The following EDAR variants were observed in gnomAD, a reference collection of about 807,000 sequenced individuals.
EDAR encodes the protein tumor necrosis factor receptor superfamily member EDAR.
A neutral mutation model predicts 51.3 loss-of-function variants in EDAR; 38 were observed. The observed-to-expected ratio is 0.74, with a 90% CI of 0.57 to 0.97. The LOEUF is 0.97. Ranked by LOEUF, EDAR falls within the 50% of genes least tolerant of loss-of-function variation. The pLI is 0.00. For synonymous variants in EDAR, 227 were observed against 242.1 expected (o/e 0.94, Z 0.58); for missense variants, 528 against 595.0 (o/e 0.89, Z 1.17).
chr2:108,900,486 A>G (rs1376413112), intron 11 of EDAR, among the ~76,000 whole-genome samples: 1 of 151,038 alleles, frequency 6.6e-6, no homozygotes, highest in Non-Finnish European at 1.5e-5. Context: ...CCTGGGAGGC[A>G]GAGGTTGCAG....
chr2:108,924,172 C>T (rs946429407), intron 4 of EDAR, among the ~76,000 whole-genome samples: 1 of 152,252 alleles, frequency 6.6e-6, no homozygotes, highest in Non-Finnish European at 1.5e-5. Flanking sequence ...AGTCCTTCAG[C>T]TCCCAGTGAT....
At position 108,910,512 on chromosome 2, in the gene EDAR, C is replaced by T. The variant is rs2105400138; in HGVS notation, c.751G>A (p.Glu251Lys). 6.2e-7 allele frequency: 1 copy of T among 1,613,822 alleles called. No homozygotes were observed. The highest frequency in any genetic ancestry group is 8.5e-7 in the Non-Finnish European group (1 of 1,179,870). Reference sequence around the variant, plus strand: ...GTCAGCTTCTCAAATTCATCCTTCTCGGAGAACATCACCACGTTGTCTGCA... The same window carrying T: ...GTCAGCTTCTCAAATTCATCCTTCTTGGAGAACATCACCACGTTGTCTGCA... ...EAPDNVVMFS[E>K]KDEFEKLTAT... is the part of the protein sequence containing the mutation. Residue 251 changes from glutamate to lysine, a missense_variant, in exon 9 of 12, where the codon GAG (glutamate) becomes AAG (lysine). Glu to Lys is a moderately conservative substitution (Grantham distance 56). Transcript: ENST00000258443.
chr2:108,906,806 T>G (rs1574368757), intron 10 of EDAR, among the ~76,000 whole-genome samples: 2 of 152,214 alleles, frequency 1.3e-5, no homozygotes, highest in African/African-American at 4.8e-5. Flanking sequence ...CCCGGGGCCA[T>G]GGCCACCTAT....
rs780383402 is a variant in EDAR at position 108,909,143 on chromosome 2, TC to T, written c.804-1125del. Among the ~76,000 whole-genome samples the T allele has an allele frequency of 3.9e-5, 6 of 152,232 alleles. No homozygotes were observed. In the East Asian group the frequency reaches 1.2e-3, roughly 29 times the overall value. On this transcript the variant is annotated intron_variant, in intron 9 of 11. Transcript: ENST00000258443. ...GTGTATGAAAGCAGTATATATTTTT[TC>T]CTAATAGGGCCTCCAAATTTTCCCT...
chr2:108,907,741 G>A, intron 10 of EDAR, 119 bp downstream of exon 10: 1 of 1,188,914 alleles, frequency 8.4e-7, no homozygotes, highest in Non-Finnish European at 1.3e-6. Context: ...CTCCTATCTT[G>A]GACTTCTGGG....
At position 108,955,711 on chromosome 2, in the gene EDAR, A is replaced by G. The variant is rs1697909455; in HGVS notation, c.-18-24679T>C. On this transcript the variant is annotated intron_variant, in intron 1 of 11. Transcript: ENST00000258443. ...ACAGAGTGAGACTCTGTCTCAAAAAATAAATAAATACAATAACATAAAATA... is the reference window on the plus strand; with the variant it reads ...ACAGAGTGAGACTCTGTCTCAAAAAGTAAATAAATACAATAACATAAAATA... Among the ~76,000 whole-genome samples, 3 of 151,616 alleles carry G rather than the reference A, an allele frequency of 2.0e-5. No homozygotes were observed. In the South Asian group the frequency reaches 6.2e-4, roughly 32 times the overall value.
At chr2:108,960,579 C>G (rs150927493) in intron 1 of EDAR, among the ~76,000 whole-genome samples, 1 of 152,200 alleles carries the variant, frequency 6.6e-6, no homozygotes, top group African/African-American at 2.4e-5. Flanking sequence ...ACCACGCTGG[C>G]TCTGTCACTG....
chr2:108,944,471 AATG>A (rs545006825), intron 1 of EDAR, among the ~76,000 whole-genome samples: 25 of 152,338 alleles, frequency 1.6e-4, no homozygotes, highest in Non-Finnish European at 1.0e-4. Context: ...CTGCGGCAAC[AATG>A]GCCATGGAGC....
chr2:108,933,406 G>A (rs1046606596), intron 1 of EDAR, among the ~76,000 whole-genome samples: 7 of 152,138 alleles, frequency 4.6e-5, no homozygotes, highest in African/African-American at 1.7e-4. Flanking sequence ...AGAATAGGTG[G>A]GAGAAGGGGG....
At chr2:108,934,475 A>G (rs1166570470) in intron 1 of EDAR, among the ~76,000 whole-genome samples, 1 of 152,198 alleles carries the variant, frequency 6.6e-6, no homozygotes, top group Non-Finnish European at 1.5e-5. Flanking sequence ...CTGAGCTCCC[A>G]TATTTGTGAC....
intron 1 of EDAR, among the ~76,000 whole-genome samples, chr2:108,966,461 C>T (rs2104422705): frequency 6.6e-6 from 1 of 152,336 alleles, no homozygotes; most frequent in Non-Finnish European, 1.5e-5. Flanking sequence ...AGGCCTATGC[C>T]TCATCTCGCG....
chr2:108,969,360 T>A (rs755065283), intron 1 of EDAR, among the ~76,000 whole-genome samples: 2 of 152,192 alleles, frequency 1.3e-5, no homozygotes, highest in Admixed American at 6.5e-5. Flanking sequence ...TTGATCTGTA[T>A]GTGCTGGCTA....
intron 5 of EDAR, among the ~76,000 whole-genome samples, chr2:108,919,374 T>C (rs1697089764): frequency 6.6e-6 from 1 of 152,148 alleles, no homozygotes; most frequent in Non-Finnish European, 1.5e-5. Flanking sequence ...TTTATTTATT[T>C]AGAGGCGGAG....
At chr2:108,904,199 GA>G (rs113303507) in intron 11 of EDAR, among the ~76,000 whole-genome samples, 5 of 151,938 alleles carry the variant, frequency 3.3e-5, no homozygotes, top group African/African-American at 9.7e-5. Context: ...ACACACAGAT[GA>G]AAAAAACACA....
chr2:108,898,573 A>T (rs1696643032), intron 11 of EDAR, among the ~76,000 whole-genome samples: 1 of 152,192 alleles, frequency 6.6e-6, no homozygotes, highest in African/African-American at 2.4e-5. Context: ...AGAACCAAGA[A>T]GATGTCAAAT....
intron 1 of EDAR, among the ~76,000 whole-genome samples, chr2:108,962,471 A>T (rs767634235): frequency 1.3e-5 from 2 of 152,052 alleles, no homozygotes; most frequent in African/African-American, 4.8e-5. Context: ...CAGGAGATCG[A>T]GACCATCCTG....
chr2:108,962,250 C>T (rs980468052), intron 1 of EDAR, among the ~76,000 whole-genome samples: 1 of 152,230 alleles, frequency 6.6e-6, no homozygotes, highest in Non-Finnish European at 1.5e-5. Flanking sequence ...ACATGTGAAC[C>T]AACGTTCATT....
At chr2:108,944,636 G>C (rs1320249881) in intron 1 of EDAR, among the ~76,000 whole-genome samples, 2 of 152,146 alleles carry the variant, frequency 1.3e-5, no homozygotes, top group Non-Finnish European at 2.9e-5. Context: ...CTAAGTGCCA[G>C]GGTGGGGGAT....
Position 108,929,376 on chromosome 2 carries a change from AG to A in EDAR, c.177del (p.Cys60ValfsTer43). ...PCGPGEEPYL[S>X]CGYGTKDEDY... ...TCCTCGTCTTTGGTGCCGTAGCCAC[AG>A]GACTGTCCAGGGAAAGAGGACAGGG... On this transcript the variant is annotated frameshift_variant and splice_region_variant, in exon 4 of 12. Coordinates refer to ENST00000258443, the MANE Select transcript of EDAR (RefSeq NM_022336.4). LOFTEE classifies it high-confidence loss of function. The A allele has an allele frequency of 6.2e-7, 1 of 1,614,076 alleles. No homozygotes were observed. The highest frequency in any genetic ancestry group is 8.5e-7 in the Non-Finnish European group (1 of 1,179,998).
Sources: allele counts gnomAD v4.1 joint callset (sites outside exome capture counted in the v4.1 genomes callset), GRCh38; gene constraint gnomAD v4.1.1; transcripts MANE v1.5; gene names NCBI Gene and HGNC (gene_info 2026-07-23, HGNC 2026-07-21).